Variants in MAPT observed in about 807,000 individuals in gnomAD.
The protein encoded by MAPT is microtubule-associated protein tau.
MAPT carries 34 observed loss-of-function variants against 67.9 expected under a neutral mutation model. The ratio of observed to expected loss-of-function variants is 0.50; its 90% CI spans 0.38 to 0.67. The LOEUF is 0.67. Among genes scored for constraint, MAPT ranks in the 30% least tolerant of loss-of-function variants. The pLI is 0.00. For synonymous variants in MAPT, 456 were observed against 464.5 expected (o/e 0.98, Z 0.23); for missense variants, 881 against 1,115.2 (o/e 0.79, Z 2.99).
intron 11 of MAPT, among the ~76,000 whole-genome samples, chr17:46,014,840 G>A (rs1366594030): frequency 1.3e-5 from 2 of 151,144 alleles, no homozygotes; most frequent in East Asian, 1.9e-4. Context: ...CAGAGATCGC[G>A]CCACTGCACT....
At chr17:46,002,678 C>T (rs925099751) in intron 9 of MAPT, among the ~76,000 whole-genome samples, 2 of 151,840 alleles carry the variant, frequency 1.3e-5, no homozygotes, top group Non-Finnish European at 2.9e-5. Flanking sequence ...AGCCTTGGGG[C>T]GGGGGGTGCA....
intron 1 of MAPT, among the ~76,000 whole-genome samples, chr17:45,930,902 G>A (rs1042795123): frequency 6.6e-6 from 1 of 152,136 alleles, no homozygotes; most frequent in African/African-American, 2.4e-5. Flanking sequence ...TCTGTTTCCG[G>A]GGCTGAGTGG....
Position 45,928,112 on chromosome 17 carries a change from T to C in MAPT, c.-18+33426T>C, listed in dbSNP as rs556957686. 2.0e-5 allele frequency among the ~76,000 whole-genome samples: 3 copies of C among 151,230 alleles called. No individual in the cohort carries two copies. In the South Asian group the frequency reaches 6.3e-4, roughly 32 times the overall value. On this transcript the variant is annotated intron_variant, in intron 1 of 12. Transcript: ENST00000262410. ...AGCCAGGACTCAGCCCCGATCTTTCTACTCTAACCAGTTGTCTCAGTTAAC... is the reference window on the plus strand; with the variant it reads ...AGCCAGGACTCAGCCCCGATCTTTCCACTCTAACCAGTTGTCTCAGTTAAC...
chr17:45,906,192 G>A lies in MAPT; in HGVS notation c.-18+11506G>A, dbSNP rs531206623. On this transcript the variant is annotated intron_variant, in intron 1 of 12. Transcript: ENST00000262410. The surrounding 1 kb of genome is among the most constrained non-coding windows in gnomAD (Gnocchi z 4.3). ...CTCAAGTGATTTCCAGCCCCTGCCA[G>A]TGCTGACTTCTCTGGGGAAGGGCTG... is the stretch of plus-strand genomic sequence containing the variant. 1.3e-5 allele frequency among the ~76,000 whole-genome samples: 2 copies of A among 152,322 alleles called. No homozygotes were observed. The highest frequency in any genetic ancestry group is 6.5e-5 in the Admixed American group (1 of 15,308).
At chr17:45,960,267 C>T (rs952617458) in intron 1 of MAPT, among the ~76,000 whole-genome samples, 2 of 152,266 alleles carry the variant, frequency 1.3e-5, no homozygotes, top group African/African-American at 2.4e-5. Context: ...GGCATTTTTG[C>T]CTCTTCATCA....
chr17:45,917,881 C>G (rs769800846), intron 1 of MAPT, among the ~76,000 whole-genome samples: 3 of 151,944 alleles, frequency 2.0e-5, no homozygotes, highest in Admixed American at 6.5e-5. Context: ...TCAAGCGATT[C>G]TCATGTCTCG....
At chr17:45,969,132 G>A (rs1042310176) in intron 2 of MAPT, 1 of 152,248 alleles carries the variant, frequency 6.6e-6, no homozygotes, top group Admixed American at 6.6e-5. Flanking sequence ...CAGCCACCAT[G>A]TGCATGAAGA....
chr17:45,970,015 C>T (rs2071487448), intron 2 of MAPT, among the ~76,000 whole-genome samples: 1 of 147,366 alleles, frequency 6.8e-6, no homozygotes, highest in Non-Finnish European at 1.5e-5. Context: ...CTACACATCA[C>T]CCATCCATCC....
At position 45,983,448 on chromosome 17, in the gene MAPT, A is replaced by G; in HGVS notation, c.869A>G (p.Lys290Arg). 1 of 1,607,098 alleles carries G rather than the reference A, an allele frequency of 6.2e-7. No homozygotes were observed. Among genetic ancestry groups the G allele is most frequent in the South Asian group, 1.1e-5 (1 of 90,684 alleles). The change falls in exon 5 of 13, where the codon AAG (lysine) becomes AGG (arginine). Residue 290 changes from lysine to arginine, a missense_variant. By Grantham distance (26) the Lys-to-Arg change is conservative. Coordinates refer to ENST00000262410, the MANE Select transcript of MAPT (RefSeq NM_001377265.1). The part of the protein sequence containing the change: ...GAGGKERPGS[K>R]EEVDEDRDVD... The stretch of plus-strand genomic sequence containing the variant: ...GGGGGCAAAGAGAGGCCGGGGAGCA[A>G]GGAGGAGGTGGATGAAGACCGCGAC...
intron 10 of MAPT, among the ~76,000 whole-genome samples, chr17:46,012,198 G>A (rs895164463): frequency 1.3e-5 from 2 of 152,200 alleles, no homozygotes; most frequent in South Asian, 4.1e-4. Flanking sequence ...CTGCTGAGGC[G>A]GAGCTGGGGA....
chr17:45,986,888 G>C (rs2073602552), intron 5 of MAPT, 152 bp from the exon 6 acceptor site: 2 of 676,758 alleles, frequency 3.0e-6, no homozygotes, highest in Non-Finnish European at 5.3e-6. Context: ...AGGCCTAGCA[G>C]ATTCAAGGGA....
intron 1 of MAPT, among the ~76,000 whole-genome samples, chr17:45,914,050 TA>T (rs1376574239): frequency 1.3e-5 from 2 of 151,656 alleles, no homozygotes; most frequent in African/African-American, 2.4e-5. Context: ...AGGAAAAGGA[TA>T]AAAAAAGGAG....
At chr17:45,945,216 C>A (rs574943004) in intron 1 of MAPT, among the ~76,000 whole-genome samples, 1 of 152,330 alleles carries the variant, frequency 6.6e-6, no homozygotes, top group African/African-American at 2.4e-5. Context: ...AGCTGAACAT[C>A]ATGTGTAAAA....
Position 46,024,830 on chromosome 17 carries a change from C to A in MAPT, c.*659C>A, listed in dbSNP as rs766310705. On this transcript the variant is annotated 3_prime_UTR_variant, in exon 13 of 13. Coordinates refer to ENST00000262410, the MANE Select transcript of MAPT (RefSeq NM_001377265.1). ...GCCGCTGGGAGAGCCAAGGCCTATG[C>A]CACCTGCAGCGTCTGAGCGGCCGCC... 3.7e-5 allele frequency: 6 copies of A among 162,498 alleles called. No individual in the cohort carries two copies. The highest frequency in any genetic ancestry group is 6.8e-5 in the Non-Finnish European group (5 of 73,868). The allele number at this position is 162,498 out of a possible 1,614,324, so 10.1% of individuals were successfully genotyped here.
intron 1 of MAPT, among the ~76,000 whole-genome samples, chr17:45,956,027 G>A (rs1279052514): frequency 1.3e-5 from 2 of 152,124 alleles, no homozygotes; most frequent in Non-Finnish European, 2.9e-5. Context: ...TGAGCCATGG[G>A]GCCTAGCCTC....
In MAPT at chr17:45,906,300, T is replaced by A. The variant is rs2064306720; in HGVS notation, c.-18+11614T>A. Among the ~76,000 whole-genome samples, 1 of 152,178 alleles carries A rather than the reference T, an allele frequency of 6.6e-6. No individual in the cohort carries two copies. Among genetic ancestry groups the A allele is most frequent in the South Asian group, 2.1e-4 (1 of 4,820 alleles). Reference sequence around the variant, plus strand: ...TGTTTTTTCTGGAGTTTTCAGTTTTTTCCTAACCAGACAGGGACTTGGTAC... The same window carrying A: ...TGTTTTTTCTGGAGTTTTCAGTTTTATCCTAACCAGACAGGGACTTGGTAC... On this transcript the variant is annotated intron_variant, in intron 1 of 12. Coordinates refer to ENST00000262410, the MANE Select transcript of MAPT (RefSeq NM_001377265.1). This position sits in a 1 kb window ranked among gnomAD's most constrained non-coding sequence, Gnocchi z 4.3.
At chr17:46,004,617 T>C (rs1568318128) in intron 9 of MAPT, among the ~76,000 whole-genome samples, 1 of 152,340 alleles carries the variant, frequency 6.6e-6, no homozygotes, top group East Asian at 1.9e-4. Flanking sequence ...TCTGTAAATC[T>C]AAGATTCTAT....
intron 8 of MAPT, among the ~76,000 whole-genome samples, chr17:45,992,415 C>T (rs1236491905): frequency 6.6e-6 from 1 of 152,190 alleles, no homozygotes; most frequent in African/African-American, 2.4e-5. Flanking sequence ...TCACTCAGGG[C>T]TCAACCCCTG....
rs1471956950 is a variant in MAPT at position 45,996,749 on chromosome 17, G to C, written c.1998+85G>C. ...TGCCTGGAAGGGTAGGGCTGCGCCT[G>C]GAGGTGCGCGGTTGAGCGTGGAGTC... On this transcript the variant is annotated intron_variant, in intron 9 of 12. Coordinates refer to ENST00000262410, the MANE Select transcript of MAPT (RefSeq NM_001377265.1). The surrounding 1 kb of genome is among the most constrained non-coding windows in gnomAD (Gnocchi z 4.5). The C allele has an allele frequency of 6.4e-7, 1 of 1,551,234 alleles. No individual in the cohort carries two copies. The highest frequency in any genetic ancestry group is 1.4e-5 in the African/African-American group (1 of 73,236).
Sources: gnomAD v4.1 joint callset for allele counts (sites outside exome capture counted in the v4.1 genomes callset) on GRCh38, gnomAD v4.1.1 for gene constraint, Gnocchi (gnomAD v3.1) non-coding constraint, MANE v1.5 for transcripts, NCBI Gene and HGNC (gene_info 2026-07-23, HGNC 2026-07-21) for gene names.